PCDHA12: variants seen among roughly 807,000 people sequenced by gnomAD.
The protein encoded by PCDHA12 is protocadherin alpha-12.
PCDHA12 carries 44 observed loss-of-function variants against 60.0 expected under a neutral mutation model. The observed-to-expected ratio is 0.73, with a 90% CI of 0.58 to 0.94. The LOEUF (loss-of-function observed/expected upper bound fraction) is 0.94. Ranked by LOEUF, PCDHA12 falls within the 40% of genes least tolerant of loss-of-function variation. PCDHA12 has a pLI of 0.00. For synonymous variants in PCDHA12, 569 were observed against 553.0 expected (o/e 1.03, Z -0.40); for missense variants, 1,276 against 1,239.7 (o/e 1.03, Z -0.44).
chr5:140,963,873 C>A (rs757553114), intron 1 of PCDHA12, among the ~76,000 whole-genome samples: 5 of 152,188 alleles, frequency 3.3e-5, no homozygotes, highest in Non-Finnish European at 5.9e-5. Flanking sequence ...GTTTTGCTTA[C>A]TATTGTTTTC....
intron 1 of PCDHA12, among the ~76,000 whole-genome samples, chr5:140,901,260 T>C (rs1554189701): frequency 6.6e-6 from 1 of 152,308 alleles, no homozygotes; most frequent in East Asian, 1.9e-4. Flanking sequence ...CCTGTGATTG[T>C]GGGGTATTAC....
In PCDHA12 at chr5:141,007,395, CAAAAAAAAA is replaced by C. The variant is rs35800918; in HGVS notation, c.2516-2217_2516-2209del. 1.6e-4 allele frequency among the ~76,000 whole-genome samples: 15 copies of C among 94,844 alleles called. No individual in the cohort carries two copies. The East Asian group carries it at 2.4e-3, about 15-fold the overall frequency. The allele number at this position is 94,844 out of a possible 152,430, so 62.2% of individuals were successfully genotyped here. A position where few individuals can be genotyped will look rare whatever the true frequency, so the allele number is the denominator to read the frequency against. On this transcript the variant is annotated intron_variant, in intron 3 of 3. Transcript: ENST00000398631. The stretch of plus-strand genomic sequence containing the variant: ...ATGGAACACCATCTCTACTAAAATA[CAAAAAAAAA>C]AAAAAAAAAAAAAATTAGCCAGGCA...
intron 3 of PCDHA12, 123 bp downstream of exon 3, chr5:140,982,686 C>T: frequency 2.8e-6 from 4 of 1,418,870 alleles, no homozygotes; most frequent in Non-Finnish European, 3.7e-6. Context: ...TCCCTTTTTT[C>T]CATACATACA....
rs782457236 is a variant in PCDHA12 at position 140,883,560 on chromosome 5, G to A, written c.2367+5721G>A. 2 of 1,614,184 alleles carry A rather than the reference G, an allele frequency of 1.2e-6. No homozygotes were observed. Among genetic ancestry groups the A allele is most frequent in the Admixed American group, 1.7e-5 (1 of 60,028 alleles). ...CTGGTGGTGACCGCGCGGGACGGGGGCTCGCCTTCGCTGTGGGCCACGGCC... is the reference window on the plus strand; with the variant it reads ...CTGGTGGTGACCGCGCGGGACGGGGACTCGCCTTCGCTGTGGGCCACGGCC... On this transcript the variant is annotated intron_variant, in intron 1 of 3. Coordinates refer to ENST00000398631, the MANE Select transcript of PCDHA12 (RefSeq NM_018903.4).
chr5:140,950,100 A>G (rs964595718), intron 1 of PCDHA12, among the ~76,000 whole-genome samples: 1 of 151,910 alleles, frequency 6.6e-6, no homozygotes, highest in Non-Finnish European at 1.5e-5. Flanking sequence ...CATTTGTATT[A>G]AATCTCATAC....
chr5:140,976,449 G>T (rs1554237649), intron 1 of PCDHA12, among the ~76,000 whole-genome samples: 1 of 152,136 alleles, frequency 6.6e-6, no homozygotes, highest in Non-Finnish European at 1.5e-5. Flanking sequence ...TACTAGGGAG[G>T]CTGGGGAAGA....
chr5:140,948,937 T>C (rs1309849094), intron 1 of PCDHA12, among the ~76,000 whole-genome samples: 1 of 134,978 alleles, frequency 7.4e-6, no homozygotes, highest in African/African-American at 2.6e-5. Context: ...ACATTTCTTC[T>C]AATATAAAAA....
intron 1 of PCDHA12, among the ~76,000 whole-genome samples, chr5:140,915,719 T>A (rs545655335): frequency 6.6e-6 from 1 of 151,956 alleles, no homozygotes; most frequent in African/African-American, 2.4e-5. Flanking sequence ...GCCCCCACTT[T>A]GGATTGTGCT....
intron 1 of PCDHA12, among the ~76,000 whole-genome samples, chr5:140,896,222 A>G (rs1554186870): frequency 6.6e-6 from 1 of 152,222 alleles, no homozygotes; most frequent in Non-Finnish European, 1.5e-5. Context: ...ATGTGTCTTT[A>G]TAGTAGAATG....
intron 1 of PCDHA12, among the ~76,000 whole-genome samples, chr5:140,943,705 C>T (rs528361276): frequency 1.6e-4 from 25 of 152,150 alleles, no homozygotes; most frequent in Middle Eastern, 3.4e-3. Context: ...TATTGTGGAA[C>T]ACATTTAAAG....
rs116232949 is a variant in PCDHA12, at chr5:140,982,448, G to A, written c.2427-27G>A. The A allele has an allele frequency of 4.0e-3, 6,396 of 1,613,770 alleles. 180 individuals carry two copies. In the African/African-American group the frequency reaches 0.067, roughly 17 times the overall value. ...ATGGGAAAGAATTTATGATCTAACC[G>A]TTATCTGGGTCTGTGTGTTTATTCA... On this transcript the variant is annotated intron_variant, in intron 2 of 3. Coordinates refer to ENST00000398631, the MANE Select transcript of PCDHA12 (RefSeq NM_018903.4).
At chr5:140,897,120 C>G (rs116233032) in intron 1 of PCDHA12, among the ~76,000 whole-genome samples, 4 of 152,134 alleles carry the variant, frequency 2.6e-5, no homozygotes, top group African/African-American at 9.7e-5. Context: ...TCTGTCCACA[C>G]CCCACTAAAC....
At chr5:140,967,371 A>C in intron 1 of PCDHA12, 1 of 1,607,094 alleles carries the variant, frequency 6.2e-7, no homozygotes, top group Non-Finnish European at 8.5e-7. Context: ...CCCCTGCAGG[A>C]GAACAGTAAA....
rs544791644 is a variant in PCDHA12, at chr5:140,937,295, C to G, written c.2368-41654C>G. Among the ~76,000 whole-genome samples the G allele has an allele frequency of 1.0e-3, 157 of 152,202 alleles. 1 individual carries two copies. Among genetic ancestry groups the G allele is most frequent in the Admixed American group, 4.7e-3 (72 of 15,286 alleles). On this transcript the variant is annotated intron_variant, in intron 1 of 3. Transcript: ENST00000398631. ...CTCGTGATTCACCCGCTTCGGCCTC[C>G]CAAAGTGCTGGGATTACAGGCGTGA...
intron 1 of PCDHA12, among the ~76,000 whole-genome samples, chr5:140,922,031 G>T (rs933616833): frequency 6.6e-6 from 1 of 152,010 alleles, no homozygotes; most frequent in African/African-American, 2.4e-5. Context: ...TATAAAAAAT[G>T]TAATTTTCCC....
intron 3 of PCDHA12, among the ~76,000 whole-genome samples, chr5:141,001,514 C>A (rs2098022369): frequency 6.6e-6 from 1 of 152,210 alleles, no homozygotes; most frequent in Admixed American, 6.5e-5. Flanking sequence ...GCTTAGCTTT[C>A]TCCCTCTCTC....
At chr5:140,919,841 GA>G (rs1318412572) in intron 1 of PCDHA12, among the ~76,000 whole-genome samples, 1 of 152,146 alleles carries the variant, frequency 6.6e-6, no homozygotes, top group Non-Finnish European at 1.5e-5. Context: ...GTAACCTTTG[GA>G]ACCTGTGACC....
intron 1 of PCDHA12, among the ~76,000 whole-genome samples, chr5:140,921,258 G>C (rs537231615): frequency 6.6e-6 from 1 of 151,824 alleles, no homozygotes; most frequent in South Asian, 2.1e-4. Flanking sequence ...AAAAGTCCTA[G>C]ACTTTTATAC....
chr5:140,905,593 G>C (rs781937038), intron 1 of PCDHA12, among the ~76,000 whole-genome samples: 1 of 152,072 alleles, frequency 6.6e-6, no homozygotes, highest in Non-Finnish European at 1.5e-5. Context: ...TATTTTGCTG[G>C]GAATTGCATT....
Sources: gnomAD v4.1 joint callset for allele counts (sites outside exome capture counted in the v4.1 genomes callset) on GRCh38, gnomAD v4.1.1 for gene constraint, MANE v1.5 for transcripts, NCBI Gene and HGNC (gene_info 2026-07-23, HGNC 2026-07-21) for gene names.